UNC13C: variants seen among roughly 807,000 people sequenced by gnomAD.
UNC13C encodes unc-13 homolog C.
Under a neutral mutation model 245.4 loss-of-function variants are expected in UNC13C, and 174 were observed. That is an observed-to-expected ratio of 0.71 (90% CI 0.63 to 0.80). UNC13C has a LOEUF of 0.80. Ranked by LOEUF, UNC13C falls within the 30% of genes least tolerant of loss-of-function variation. The pLI is 0.00. For synonymous variants in UNC13C, 992 were observed against 895.1 expected (o/e 1.11, Z -1.93); for missense variants, 2,829 against 2,602.9 (o/e 1.09, Z -1.89).
At chr15:54,344,108 G>A (rs909197250) in intron 17 of UNC13C, among the ~76,000 whole-genome samples, 1 of 152,132 alleles carries the variant, frequency 6.6e-6, no homozygotes, top group African/African-American at 2.4e-5. Context: ...GTTGGGGCCT[G>A]GTTAAAAAGA....
the UNC13C span, among the ~76,000 whole-genome samples, chr15:53,922,831 T>C: frequency 8.5e-5 from 13 of 152,340 alleles, no homozygotes; most frequent in South Asian, 2.7e-3. Flanking sequence ...TCTTTCTGTG[T>C]CTTACCAGAA....
intron 1 of UNC13C, among the ~76,000 whole-genome samples, chr15:54,007,104 G>T (rs1182372011): frequency 2.0e-5 from 3 of 152,192 alleles, no homozygotes. Flanking sequence ...TATTTTGAAA[G>T]AATTTCTTTT....
At chr15:54,160,722 A>G (rs952195484) in intron 4 of UNC13C, among the ~76,000 whole-genome samples, 4 of 152,216 alleles carry the variant, frequency 2.6e-5, no homozygotes, top group African/African-American at 4.8e-5. Flanking sequence ...TTCAGTTGCT[A>G]TCAGTATTAA....
At chr15:54,080,630 T>C (rs1032348295) in intron 2 of UNC13C, among the ~76,000 whole-genome samples, 3 of 152,052 alleles carry the variant, frequency 2.0e-5, no homozygotes, top group East Asian at 1.9e-4. Context: ...GTAGTCTTTA[T>C]GGATCTTTTG....
Position 54,086,190 on chromosome 15 carries a change from T to G in UNC13C, c.2984-56828T>G, listed in dbSNP as rs1000725662. Among the ~76,000 whole-genome samples the G allele has an allele frequency of 2.6e-5, 4 of 152,220 alleles. No individual in the cohort carries two copies. In the East Asian group the frequency reaches 7.7e-4, roughly 29 times the overall value. On this transcript the variant is annotated intron_variant, in intron 2 of 32. Coordinates refer to ENST00000260323, the MANE Select transcript of UNC13C (RefSeq NM_001080534.3). ...TTTGGTCTATCTAGCTGTAACAGTG[T>G]GTCTGTTAACCAGTCTCTCCTCCTC...
chr15:54,188,101 A>G (rs939881005), intron 4 of UNC13C, among the ~76,000 whole-genome samples: 11 of 152,132 alleles, frequency 7.2e-5, no homozygotes, highest in Non-Finnish European at 1.3e-4. Flanking sequence ...TACAGCCATG[A>G]GCCTTCGAGC....
chr15:53,992,859 C>T (rs1401575573), intron 1 of UNC13C, among the ~76,000 whole-genome samples: 3 of 152,072 alleles, frequency 2.0e-5, no homozygotes, highest in Non-Finnish European at 1.5e-5. Context: ...GCCCTAGCAA[C>T]AGTTACTGTA....
At chr15:54,112,035 CCTT>C (rs1318294358) in intron 2 of UNC13C, among the ~76,000 whole-genome samples, 1 of 152,162 alleles carries the variant, frequency 6.6e-6, no homozygotes, top group Non-Finnish European at 1.5e-5. Flanking sequence ...TGATATAAAG[CCTT>C]CTGCTTAAAG....
At chr15:54,545,935 A>G (rs1178379499) in intron 26 of UNC13C, among the ~76,000 whole-genome samples, 1 of 152,198 alleles carries the variant, frequency 6.6e-6, no homozygotes, top group Non-Finnish European at 1.5e-5. Flanking sequence ...ATCTAGAACT[A>G]GAAATACCAT....
chr15:53,930,488 G>A, the UNC13C span, among the ~76,000 whole-genome samples: 1 of 152,140 alleles, frequency 6.6e-6, no homozygotes, highest in Non-Finnish European at 1.5e-5. Flanking sequence ...AGATTTTCTG[G>A]GAAGAGGGCT....
chr15:54,512,810 A>G lies in UNC13C; in HGVS notation c.5457+980A>G, dbSNP rs76693586. Reference sequence around the variant, plus strand: ...TTATTTCTAAACTTATGTGACTACAAATGTTTCTTTTAAGATTGGCTCCTT... The same window carrying G: ...TTATTTCTAAACTTATGTGACTACAGATGTTTCTTTTAAGATTGGCTCCTT... On this transcript the variant is annotated intron_variant, in intron 24 of 32. Transcript: ENST00000260323. Among the ~76,000 whole-genome samples, 1,519 of 152,214 alleles carry G rather than the reference A, an allele frequency of 1.0e-2. 28 individuals are homozygous for G. Among genetic ancestry groups the G allele is most frequent in the African/African-American group, 0.034 (1,418 of 41,554 alleles).
chr15:54,506,695 C>A (rs1894491560), intron 22 of UNC13C, among the ~76,000 whole-genome samples: 1 of 151,884 alleles, frequency 6.6e-6, no homozygotes, highest in Non-Finnish European at 1.5e-5. Flanking sequence ...TGATTTTGAG[C>A]CACTAAGAAA....
intron 10 of UNC13C, among the ~76,000 whole-genome samples, chr15:54,272,836 C>G (rs2036722430): frequency 6.6e-6 from 1 of 152,030 alleles, no homozygotes; most frequent in South Asian, 2.1e-4. Context: ...ATGGAGAGAT[C>G]TAAATTGAAT....
intron 5 of UNC13C, among the ~76,000 whole-genome samples, chr15:54,236,047 GTC>G (rs1311915429): frequency 6.6e-6 from 1 of 150,452 alleles, no homozygotes; most frequent in African/African-American, 2.4e-5. Context: ...GTGAAAAAGT[GTC>G]TCTTCTATCA....
the UNC13C span, among the ~76,000 whole-genome samples, chr15:53,924,535 G>C: frequency 6.6e-6 from 1 of 152,128 alleles, no homozygotes. Context: ...TAGTGAGAGG[G>C]TGCACTGTAT....
At chr15:53,962,405 A>ACT in the UNC13C span, among the ~76,000 whole-genome samples, 7,089 of 152,030 alleles carry the variant, frequency 0.047, 259 homozygotes, top group African/African-American at 0.1. Context: ...TTTGATATTC[A>ACT]CTCTCATTAT....
At chr15:54,335,903 T>C (rs1298673861) in intron 16 of UNC13C, among the ~76,000 whole-genome samples, 2 of 152,172 alleles carry the variant, frequency 1.3e-5, no homozygotes, top group African/African-American at 2.4e-5. Context: ...AGAGTCCCAA[T>C]TGTTCTGCAT....
At chr15:54,512,516 C>A in intron 24 of UNC13C, 1 of 363,294 alleles carries the variant, frequency 2.8e-6, no homozygotes, top group Admixed American at 3.5e-5. Context: ...AGCTATGCAC[C>A]TGCATCTTCC....
At chr15:53,909,047 T>C in the UNC13C span, among the ~76,000 whole-genome samples, 2 of 146,650 alleles carry the variant, frequency 1.4e-5, 1 homozygote, top group Non-Finnish European at 3.1e-5. Context: ...CAAAAACTTA[T>C]ATGCATAATA....
Sources: allele counts gnomAD v4.1 joint callset (sites outside exome capture counted in the v4.1 genomes callset), GRCh38; gene constraint gnomAD v4.1.1; transcripts MANE v1.5; gene names NCBI Gene and HGNC (gene_info 2026-07-23, HGNC 2026-07-21).